The following ZDHHC14 variants were observed in gnomAD, a reference collection of about 807,000 sequenced individuals.
The protein encoded by ZDHHC14 is zDHHC palmitoyltransferase 14, also known as palmitoyltransferase ZDHHC14.
ZDHHC14 carries 16 observed loss-of-function variants against 47.7 expected under a neutral mutation model. That is an observed-to-expected ratio of 0.34 (90% CI 0.23 to 0.51). ZDHHC14 has a LOEUF of 0.51. Ranked by LOEUF, ZDHHC14 falls within the 20% of genes least tolerant of loss-of-function variation. The pLI is 0.97. For missense variants in ZDHHC14, 515 were observed against 662.5 expected, an observed-to-expected ratio of 0.78 and a Z score of 2.44; for synonymous variants, 293 against 278.9, an observed-to-expected ratio of 1.05 and a Z score of -0.50.
chr6:157,495,168 A>G (rs1780029423), intron 1 of ZDHHC14, among the ~76,000 whole-genome samples: 1 of 152,150 alleles, frequency 6.6e-6, no homozygotes, highest in Non-Finnish European at 1.5e-5. Context: ...TTCCATCTGT[A>G]GATTCCTCAC....
intron 1 of ZDHHC14, among the ~76,000 whole-genome samples, chr6:157,383,608 A>T (rs1777256016): frequency 6.6e-6 from 1 of 152,216 alleles, no homozygotes; most frequent in African/African-American, 2.4e-5. Flanking sequence ...TAGCAGTTTT[A>T]AGAGGACTGA....
rs192448628 is a variant in ZDHHC14 at position 157,632,439 on chromosome 6, G to A, written c.704-395G>A. 4.6e-4 allele frequency: 89 copies of A among 192,932 alleles called. No individual in the cohort carries two copies. In the East Asian group the frequency reaches 0.01, roughly 23 times the overall value. The allele number at this position is 192,932 out of a possible 1,614,324, so 12.0% of individuals were successfully genotyped here. On this transcript the variant is annotated intron_variant, in intron 4 of 8. Transcript: ENST00000359775. ...GTGTAGAAAAAGAATTCTTTTATAC[G>A]TAGCCTAGTTTCCAGAACTTCCAGG... is the stretch of plus-strand genomic sequence containing the variant.
intron 5 of ZDHHC14, among the ~76,000 whole-genome samples, 159 bp from the exon 6 acceptor site, chr6:157,645,578 G>A (rs564286229): frequency 7.2e-5 from 11 of 152,326 alleles, no homozygotes; most frequent in African/African-American, 9.6e-5. Flanking sequence ...CTGGTTAGAC[G>A]AAATTCCCGG....
At chr6:157,417,119 C>T (rs1057182827) in intron 1 of ZDHHC14, among the ~76,000 whole-genome samples, 15 of 151,382 alleles carry the variant, frequency 9.9e-5, no homozygotes, top group East Asian at 5.8e-4. Context: ...TGAGCCACCG[C>T]GCCTGGCTCA....
chr6:157,606,566 G>C (rs1784546830), intron 3 of ZDHHC14, among the ~76,000 whole-genome samples: 2 of 152,260 alleles, frequency 1.3e-5, no homozygotes, highest in Admixed American at 6.5e-5. Flanking sequence ...GCAGCAACTT[G>C]GATGGAAACG....
At chr6:157,399,440 G>A (rs900828469) in intron 1 of ZDHHC14, among the ~76,000 whole-genome samples, 6 of 152,192 alleles carry the variant, frequency 3.9e-5, no homozygotes, top group Non-Finnish European at 5.9e-5. Context: ...CTGTAGTTGT[G>A]TATATATGCC....
At chr6:157,613,448 G>A (rs1002609784) in intron 3 of ZDHHC14, among the ~76,000 whole-genome samples, 6 of 152,290 alleles carry the variant, frequency 3.9e-5, no homozygotes, top group Admixed American at 2.6e-4. Flanking sequence ...GGAATAAAGC[G>A]TAATTAGAGT....
intron 1 of ZDHHC14, among the ~76,000 whole-genome samples, chr6:157,428,698 G>C (rs1778275338): frequency 7.0e-6 from 1 of 142,138 alleles, no homozygotes; most frequent in Non-Finnish European, 1.5e-5. Flanking sequence ...GTGCTCACTA[G>C]CAACCTTCCC....
At chr6:157,656,567 C>G (rs1362116912) in intron 8 of ZDHHC14, among the ~76,000 whole-genome samples, 1 of 151,948 alleles carries the variant, frequency 6.6e-6, no homozygotes, top group Non-Finnish European at 1.5e-5. Flanking sequence ...AGCTCCTGGC[C>G]TCAAGTGATC....
intron 1 of ZDHHC14, among the ~76,000 whole-genome samples, chr6:157,452,440 G>A (rs1238526796): frequency 6.6e-6 from 1 of 152,088 alleles, no homozygotes; most frequent in Non-Finnish European, 1.5e-5. Context: ...TTGTTTTGGA[G>A]TATGTTTGTG....
chr6:157,424,553 CAG>C (rs1238611269), intron 1 of ZDHHC14, among the ~76,000 whole-genome samples: 3 of 152,318 alleles, frequency 2.0e-5, no homozygotes, highest in African/African-American at 7.2e-5. Flanking sequence ...ACCTGATTAG[CAG>C]AGTCAGAGAG....
intron 3 of ZDHHC14, among the ~76,000 whole-genome samples, chr6:157,598,397 G>A (rs543810952): frequency 2.0e-4 from 30 of 152,196 alleles, no homozygotes; most frequent in African/African-American, 4.8e-4. Context: ...CCTGGTTTCC[G>A]CTATCTCTTC....
chr6:157,636,827 G>A (rs1032713924), intron 5 of ZDHHC14, among the ~76,000 whole-genome samples: 1 of 152,204 alleles, frequency 6.6e-6, no homozygotes, highest in Admixed American at 6.5e-5. Flanking sequence ...CCCACTCTGC[G>A]AAGCAAGGTG....
intron 1 of ZDHHC14, among the ~76,000 whole-genome samples, chr6:157,536,844 A>G (rs1201323390): frequency 3.6e-5 from 1 of 27,420 alleles, no homozygotes; most frequent in Non-Finnish European, 6.1e-5. Flanking sequence ...TTTGAGACAG[A>G]GTCTCGCTCT....
chr6:157,470,914 G>A (rs1196088569), intron 1 of ZDHHC14, among the ~76,000 whole-genome samples: 1 of 152,188 alleles, frequency 6.6e-6, no homozygotes, highest in Non-Finnish European at 1.5e-5. Flanking sequence ...TTCCACGTGT[G>A]AGCAGGCCTG....
intron 5 of ZDHHC14, among the ~76,000 whole-genome samples, chr6:157,636,273 T>A (rs1269905019): frequency 6.6e-6 from 1 of 152,162 alleles, no homozygotes; most frequent in East Asian, 1.9e-4. Flanking sequence ...CCCTCATATA[T>A]ACATGTGTAT....
At chr6:157,652,999 T>G (rs1013611603) in intron 7 of ZDHHC14, among the ~76,000 whole-genome samples, 1 of 151,976 alleles carries the variant, frequency 6.6e-6, no homozygotes, top group African/African-American at 2.4e-5. Flanking sequence ...GCAGGAAAAG[T>G]GACTTAGGAA....
intron 1 of ZDHHC14, among the ~76,000 whole-genome samples, chr6:157,490,308 G>C (rs957197215): frequency 3.3e-5 from 5 of 152,204 alleles, no homozygotes; most frequent in Admixed American, 6.5e-5. Flanking sequence ...TCTGAATTAA[G>C]AGAATCACTT....
chr6:157,553,066 C>G (rs1782307938), intron 2 of ZDHHC14, among the ~76,000 whole-genome samples: 1 of 152,162 alleles, frequency 6.6e-6, no homozygotes, highest in African/African-American at 2.4e-5. Flanking sequence ...CAGCAAGGAA[C>G]AGTGGGAATT....
Sources: gnomAD v4.1 joint callset for allele counts (sites outside exome capture counted in the v4.1 genomes callset) on GRCh38, gnomAD v4.1.1 for gene constraint, MANE v1.5 for transcripts, NCBI Gene and HGNC (gene_info 2026-07-23, HGNC 2026-07-21) for gene names.